The following LRRC72 variants were observed in gnomAD, a reference collection of about 807,000 sequenced individuals.
The protein encoded by LRRC72 is leucine rich repeat containing 72.
A neutral mutation model predicts 35.8 loss-of-function variants in LRRC72; 41 were observed. The observed-to-expected ratio is 1.15, with a 90% CI of 0.89 to 1.49. The LOEUF (loss-of-function observed/expected upper bound fraction) is 1.49. Among genes scored for constraint, LRRC72 ranks in the 40% most tolerant of loss-of-function variants. The pLI is 0.00. For missense variants in LRRC72, 389 were observed against 330.7 expected, an observed-to-expected ratio of 1.18 and a Z score of -1.37; for synonymous variants, 118 against 119.2, an observed-to-expected ratio of 0.99 and a Z score of 0.07.
intron 6 of LRRC72, among the ~76,000 whole-genome samples, chr7:16,566,970 T>C (rs1782855444): frequency 6.6e-6 from 1 of 152,154 alleles, no homozygotes; most frequent in Admixed American, 6.5e-5. Context: ...TGCTATATTA[T>C]CTATCTACTT....
chr7:16,569,155 C>T (rs143440900), intron 7 of LRRC72, among the ~76,000 whole-genome samples: 1,767 of 152,200 alleles, frequency 0.012, 29 homozygotes, highest in Middle Eastern at 0.044. Context: ...TGGCCAGGTG[C>T]GGTGGTTCAC....
intron 5 of LRRC72, among the ~76,000 whole-genome samples, chr7:16,565,248 C>A (rs538584369): frequency 3.2e-4 from 48 of 152,288 alleles, no homozygotes; most frequent in Middle Eastern, 3.4e-3. Context: ...GCCTTGCCAA[C>A]ATGGCGAAAC....
At chr7:16,560,143 G>C (rs1311353337) in intron 5 of LRRC72, among the ~76,000 whole-genome samples, 1 of 152,102 alleles carries the variant, frequency 6.6e-6, no homozygotes, top group Non-Finnish European at 1.5e-5. Context: ...TCAACGAGTA[G>C]GTTTTCAGAC....
Position 16,549,192 on chromosome 7 carries a change from C to T in LRRC72, c.235-8168C>T, listed in dbSNP as rs542017048. ...TGATAATATTTTGTTTCGTATTTTA[C>T]TTTTTGTTCATTTGAAAATGTCAGT... is the stretch of plus-strand genomic sequence containing the variant. On this transcript the variant is annotated intron_variant, in intron 3 of 8. Coordinates refer to ENST00000401542, the MANE Select transcript of LRRC72 (RefSeq NM_001195280.2). Among the ~76,000 whole-genome samples the T allele has an allele frequency of 1.8e-4, 28 of 152,254 alleles. No homozygotes were observed. In the East Asian group the frequency reaches 5.2e-3, roughly 28 times the overall value.
At chr7:16,547,235 C>G (rs1035488429) in intron 3 of LRRC72, among the ~76,000 whole-genome samples, 1 of 152,160 alleles carries the variant, frequency 6.6e-6, no homozygotes, top group African/African-American at 2.4e-5. Context: ...CCAGAGCCTG[C>G]CACCCTGGGA....
intron 5 of LRRC72, 83 bp downstream of exon 5, chr7:16,559,082 G>C (rs1051972176): frequency 1.3e-6 from 1 of 784,754 alleles, no homozygotes; most frequent in African/African-American, 1.8e-5. Context: ...TTTAAAATTA[G>C]AGAGGCAATG....
intron 1 of LRRC72, among the ~76,000 whole-genome samples, chr7:16,527,458 G>A (rs981775506): frequency 6.6e-6 from 1 of 151,250 alleles, no homozygotes; most frequent in Non-Finnish European, 1.5e-5. Context: ...CAACAGGGGT[G>A]TGTGTGTGTG....
At chr7:16,560,052 T>A (rs778987217) in intron 5 of LRRC72, among the ~76,000 whole-genome samples, 5 of 152,224 alleles carry the variant, frequency 3.3e-5, no homozygotes, top group Middle Eastern at 3.4e-3. Context: ...AAACTTATGG[T>A]CTTGAAGGGT....
In LRRC72 at chr7:16,578,103, G is replaced by C. The variant is rs561743176; in HGVS notation, c.671-1971G>C. 2.6e-5 allele frequency among the ~76,000 whole-genome samples: 4 copies of C among 152,090 alleles called. No homozygotes were observed. In the South Asian group the frequency reaches 8.3e-4, roughly 32 times the overall value. On this transcript the variant is annotated intron_variant, in intron 7 of 8. Transcript: ENST00000401542. ...GCATGTTGCAACATTTTTTATAATA[G>C]CAAAAGTAGTAGAAACAATTTAAAT... is the stretch of plus-strand genomic sequence containing the variant.
intron 2 of LRRC72, among the ~76,000 whole-genome samples, chr7:16,535,985 G>GC (rs1782250592): frequency 6.6e-6 from 1 of 152,270 alleles, no homozygotes; most frequent in African/African-American, 2.4e-5. Flanking sequence ...TGATTCTCCT[G>GC]CCTCAGTCTC....
intron 5 of LRRC72, among the ~76,000 whole-genome samples, chr7:16,560,095 A>G (rs1416828381): frequency 6.6e-6 from 1 of 152,200 alleles, no homozygotes. Flanking sequence ...AATACAAGAT[A>G]AAGGATTCTG....
intron 7 of LRRC72, among the ~76,000 whole-genome samples, chr7:16,575,753 T>C (rs1262067393): frequency 1.3e-5 from 2 of 152,202 alleles, no homozygotes; most frequent in Admixed American, 6.5e-5. Flanking sequence ...TGGAATGTTA[T>C]TGGAGTAGAC....
intron 7 of LRRC72, among the ~76,000 whole-genome samples, chr7:16,579,297 C>A (rs945108797): frequency 6.6e-6 from 1 of 152,052 alleles, no homozygotes; most frequent in African/African-American, 2.4e-5. Flanking sequence ...AAAGAAAGAG[C>A]CTAGGATGAT....
intron 3 of LRRC72, among the ~76,000 whole-genome samples, chr7:16,548,793 A>C (rs1782496430): frequency 1.3e-5 from 2 of 152,318 alleles, no homozygotes; most frequent in South Asian, 2.1e-4. Context: ...CAAAGGTGCC[A>C]CTGGCCACAG....
intron 3 of LRRC72, among the ~76,000 whole-genome samples, chr7:16,544,057 T>A (rs1387306983): frequency 1.3e-5 from 2 of 152,254 alleles, no homozygotes; most frequent in Non-Finnish European, 2.9e-5. Context: ...TGATTACCCC[T>A]GCTCTAGTGA....
intron 3 of LRRC72, among the ~76,000 whole-genome samples, chr7:16,552,169 A>G (rs1490175219): frequency 1.3e-5 from 2 of 152,242 alleles, no homozygotes; most frequent in Non-Finnish European, 2.9e-5. Context: ...TGATTTCATA[A>G]GCTAATAATA....
At chr7:16,560,615 T>C (rs1375781802) in intron 5 of LRRC72, among the ~76,000 whole-genome samples, 3 of 152,092 alleles carry the variant, frequency 2.0e-5, no homozygotes, top group Non-Finnish European at 4.4e-5. Flanking sequence ...CTAGAACACT[T>C]ACCTTTGTTT....
chr7:16,529,249 T>C (rs1047555354), intron 1 of LRRC72, among the ~76,000 whole-genome samples: 2 of 152,178 alleles, frequency 1.3e-5, no homozygotes, highest in African/African-American at 4.8e-5. Flanking sequence ...ACCTTATACA[T>C]TCTTCTGCTT....
chr7:16,548,632 G>T (rs1323939819), intron 3 of LRRC72, among the ~76,000 whole-genome samples: 1 of 152,194 alleles, frequency 6.6e-6, no homozygotes, highest in East Asian at 1.9e-4. Context: ...GCCACAGCCG[G>T]CTGGACCCCA....
Sources: allele counts gnomAD v4.1 joint callset (sites outside exome capture counted in the v4.1 genomes callset), GRCh38; gene constraint gnomAD v4.1.1; transcripts MANE v1.5; gene names NCBI Gene and HGNC (gene_info 2026-07-23, HGNC 2026-07-21).